The following EFHC2 variants were observed in gnomAD, a reference collection of about 807,000 sequenced individuals.
EFHC2 encodes the protein EF-hand domain-containing family member C2.
In EFHC2, 18 loss-of-function variants were observed where a neutral mutation model predicts 52.7. The observed-to-expected ratio is 0.34, with a 90% CI of 0.24 to 0.51. The LOEUF is 0.51. Ranked by LOEUF, EFHC2 falls within the 20% of genes least tolerant of loss-of-function variation. EFHC2 has a pLI of 0.97. For missense variants in EFHC2, 513 were observed against 562.5 expected (o/e 0.91, Z 0.89); for synonymous variants, 203 against 204.1 (o/e 0.99, Z 0.04).
Position 44,195,072 on chromosome X carries a change from A to G in EFHC2, c.1752-16508T>C, listed in dbSNP as rs376959018. ...TTGCCTTCAATACTTCCCTCTCACT[A>G]TCTATGCCCTTTCCTGTGTCGCTTT... On this transcript the variant is annotated intron_variant, in intron 11 of 14. Coordinates refer to ENST00000420999, the MANE Select transcript of EFHC2 (RefSeq NM_025184.4). Among the ~76,000 whole-genome samples the G allele has an allele frequency of 4.5e-5, 5 of 111,920 alleles. No homozygotes were observed. The East Asian group carries it at 1.4e-3, about 32-fold the overall frequency.
At chrX:44,287,548 C>T (rs1176418432) in intron 2 of EFHC2, among the ~76,000 whole-genome samples, 1 of 112,318 alleles carries the variant, frequency 8.9e-6, no homozygotes, top group Non-Finnish European at 1.9e-5. Context: ...AAGAACAGTT[C>T]ACTTACTCAT....
chrX:44,338,775 T>TA (rs1350223586), intron 1 of EFHC2, among the ~76,000 whole-genome samples: 1 of 111,314 alleles, frequency 9.0e-6, no homozygotes, highest in Non-Finnish European at 1.9e-5. Flanking sequence ...CTTTTTTTTT[T>TA]ATTGCTGCAA....
intron 4 of EFHC2, among the ~76,000 whole-genome samples, chrX:44,259,121 A>G (rs144997978): frequency 0.027 from 3,038 of 111,832 alleles, 104 homozygotes; most frequent in African/African-American, 0.095. Flanking sequence ...AGCACTATTC[A>G]CAATAGCAAA....
At chrX:44,273,611 C>A (rs1434451565) in intron 2 of EFHC2, among the ~76,000 whole-genome samples, 1 of 111,943 alleles carries the variant, frequency 8.9e-6, no homozygotes, top group Non-Finnish European at 1.9e-5. Context: ...AAAATCATTT[C>A]TTTATGCTTA....
At chrX:44,312,076 T>A (rs73628339) in intron 2 of EFHC2, among the ~76,000 whole-genome samples, 3,570 of 112,491 alleles carry the variant, frequency 0.032, 147 homozygotes, top group African/African-American at 0.11. Context: ...TTTCTTTGTT[T>A]AGGATACTTT....
chrX:44,171,719 CTGTT>C (rs1459529060), intron 13 of EFHC2, among the ~76,000 whole-genome samples: 2 of 111,822 alleles, frequency 1.8e-5, no homozygotes, highest in Non-Finnish European at 1.9e-5. Flanking sequence ...AGTCGATACT[CTGTT>C]TGTCCATATG....
chrX:44,343,019 T>C (rs1602226001), intron 1 of EFHC2, among the ~76,000 whole-genome samples: 1 of 110,666 alleles, frequency 9.0e-6, no homozygotes, highest in African/African-American at 3.3e-5. Context: ...CCCCTCTTGA[T>C]AAGTGCCAGA....
intron 11 of EFHC2, among the ~76,000 whole-genome samples, chrX:44,196,330 G>C: frequency 8.9e-6 from 1 of 111,883 alleles, no homozygotes; most frequent in Non-Finnish European, 1.9e-5. Flanking sequence ...TCTAACTTCA[G>C]AGCCTGTAAA....
chrX:44,218,068 T>G (rs1486156559), intron 11 of EFHC2, among the ~76,000 whole-genome samples: 1 of 111,499 alleles, frequency 9.0e-6, no homozygotes, highest in African/African-American at 3.3e-5. Flanking sequence ...AAGTTCACAT[T>G]ATAGGGGAGC....
intron 1 of EFHC2, among the ~76,000 whole-genome samples, chrX:44,331,188 CAGT>C (rs2086588248): frequency 8.9e-6 from 1 of 112,059 alleles, no homozygotes; most frequent in South Asian, 3.7e-4. Context: ...AACTACTACT[CAGT>C]AGTAAAAATG....
intron 11 of EFHC2, among the ~76,000 whole-genome samples, chrX:44,191,438 T>C (rs1333900169): frequency 9.0e-6 from 1 of 111,310 alleles, no homozygotes; most frequent in African/African-American, 3.3e-5. Flanking sequence ...GGTTTCACCA[T>C]GTTGGCCAGG....
chrX:44,257,380 A>G (rs1280101764), intron 4 of EFHC2, among the ~76,000 whole-genome samples: 1 of 111,838 alleles, frequency 8.9e-6, no homozygotes, highest in Non-Finnish European at 1.9e-5. Flanking sequence ...ATGATTGTAT[A>G]TTTAGAAAAC....
intron 3 of EFHC2, among the ~76,000 whole-genome samples, chrX:44,262,048 TCTC>T (rs2037542992): frequency 9.0e-6 from 1 of 110,957 alleles, no homozygotes; most frequent in African/African-American, 3.3e-5. Context: ...CCCATTCATT[TCTC>T]CTCTTGAGAA....
intron 14 of EFHC2, among the ~76,000 whole-genome samples, chrX:44,149,387 C>G (rs1051413170): frequency 8.9e-6 from 1 of 112,279 alleles, no homozygotes; most frequent in African/African-American, 3.2e-5. Context: ...CTTCACTGAC[C>G]TACATGCCCA....
intron 11 of EFHC2, among the ~76,000 whole-genome samples, chrX:44,228,396 C>T (rs994979753): frequency 8.9e-6 from 1 of 111,801 alleles, no homozygotes; most frequent in African/African-American, 3.2e-5. Context: ...AATAATAAAA[C>T]GAAACCACTC....
chrX:44,301,201 T>C (rs971137477), intron 2 of EFHC2, among the ~76,000 whole-genome samples: 34 of 109,156 alleles, frequency 3.1e-4, no homozygotes, highest in South Asian at 8.2e-4. Flanking sequence ...ACCACCCAGA[T>C]TGACAAACTG....
At position 44,261,815 on chromosome X, in the gene EFHC2, T is replaced by G. The variant is rs189484876; in HGVS notation, c.383-517A>C. Among the ~76,000 whole-genome samples the G allele has an allele frequency of 1.1e-3, 115 of 108,266 alleles. 1 individual carries two copies. Among genetic ancestry groups the G allele is most frequent in the African/African-American group, 3.6e-3 (108 of 29,611 alleles). The allele number at this position is 108,266 out of a possible 115,157, so 94.0% of individuals were successfully genotyped here. Reference sequence around the variant, plus strand: ...TGGAATGATAGGTGCCAACATTGACTTAGAAGTTTCAATAAGGATGAATCA... The same window carrying G: ...TGGAATGATAGGTGCCAACATTGACGTAGAAGTTTCAATAAGGATGAATCA... On this transcript the variant is annotated intron_variant, in intron 3 of 14. Coordinates refer to ENST00000420999, the MANE Select transcript of EFHC2 (RefSeq NM_025184.4).
At chrX:44,296,846 A>C (rs896397452) in intron 2 of EFHC2, among the ~76,000 whole-genome samples, 1 of 112,142 alleles carries the variant, frequency 8.9e-6, no homozygotes, top group African/African-American at 3.2e-5. Context: ...TGGAAAGAGC[A>C]ATACAATGAT....
At chrX:44,327,107 G>A (rs2038057661) in intron 1 of EFHC2, among the ~76,000 whole-genome samples, 1 of 111,528 alleles carries the variant, frequency 9.0e-6, no homozygotes, top group Non-Finnish European at 1.9e-5. Context: ...ATCCAGGAAT[G>A]CAAACCCAAC....
Sources: gnomAD v4.1 joint callset for allele counts (sites outside exome capture counted in the v4.1 genomes callset) on GRCh38, gnomAD v4.1.1 for gene constraint, MANE v1.5 for transcripts, NCBI Gene and HGNC (gene_info 2026-07-23, HGNC 2026-07-21) for gene names.